The following ATRNL1 variants were observed in gnomAD, a reference collection of about 807,000 sequenced individuals.
The protein encoded by ATRNL1 is attractin-like protein 1.
In ATRNL1, 95 loss-of-function variants were observed where a neutral mutation model predicts 182.7. The observed-to-expected ratio is 0.52, with a 90% CI of 0.44 to 0.62. ATRNL1 has a LOEUF of 0.62. Among genes scored for constraint, ATRNL1 ranks in the 20% least tolerant of loss-of-function variants. The pLI is 0.00. For missense variants in ATRNL1, 1,471 were observed against 1,679.5 expected (o/e 0.88, Z 2.17); for synonymous variants, 576 against 568.3 (o/e 1.01, Z -0.19).
At chr10:115,422,524 A>T (rs553324297) in intron 20 of ATRNL1, among the ~76,000 whole-genome samples, 10 of 152,284 alleles carry the variant, frequency 6.6e-5, no homozygotes, top group East Asian at 5.8e-4. Context: ...GGAATTATTT[A>T]AAAAAATAAC....
At chr10:115,412,441 A>C (rs1383256473) in intron 20 of ATRNL1, among the ~76,000 whole-genome samples, 1 of 152,188 alleles carries the variant, frequency 6.6e-6, no homozygotes, top group Non-Finnish European at 1.5e-5. Flanking sequence ...GAACCTGGTT[A>C]TGCCATGCTC....
At chr10:115,418,325 A>C (rs1384278899) in intron 20 of ATRNL1, among the ~76,000 whole-genome samples, 3 of 152,190 alleles carry the variant, frequency 2.0e-5, no homozygotes. Context: ...AATGGAATAG[A>C]GAGCATCATC....
intron 1 of ATRNL1, among the ~76,000 whole-genome samples, chr10:115,115,020 A>G (rs1844419913): frequency 6.6e-6 from 1 of 152,194 alleles, no homozygotes; most frequent in Admixed American, 6.6e-5. Flanking sequence ...AAAAAGAGGT[A>G]TATATACATA....
At chr10:115,761,542 G>A (rs1948735241) in intron 27 of ATRNL1, among the ~76,000 whole-genome samples, 1 of 152,286 alleles carries the variant, frequency 6.6e-6, no homozygotes, top group African/African-American at 2.4e-5. Flanking sequence ...TGCCCTTGTT[G>A]ACAGCATTTA....
rs150345069 is a variant in ATRNL1, at chr10:115,869,964, C to CT, written c.4018+22001dup. 2.9e-3 allele frequency among the ~76,000 whole-genome samples: 209 copies of CT among 71,720 alleles called. 15 individuals carry two copies. Among genetic ancestry groups the CT allele is most frequent in the African/African-American group, 0.012 (193 of 15,760 alleles). The allele number at this position is 71,720 out of a possible 152,430, so 47.1% of individuals were successfully genotyped here. A position where few individuals can be genotyped will look rare whatever the true frequency, so the allele number is the denominator to read the frequency against. On this transcript the variant is annotated intron_variant, in intron 28 of 28. Coordinates refer to ENST00000355044, the MANE Select transcript of ATRNL1 (RefSeq NM_207303.4). ...TTGGGTATTTATGTTGTTCCCAGAC[C>CT]TTTTTTTTTTTTTTTTTTTTTTTTT...
At chr10:115,123,230 T>G (rs553499676) in intron 3 of ATRNL1, among the ~76,000 whole-genome samples, 2 of 152,220 alleles carry the variant, frequency 1.3e-5, no homozygotes, top group African/African-American at 4.8e-5. Flanking sequence ...ATATTGAATA[T>G]CCACTTGATG....
At chr10:115,912,472 C>T (rs959915067) in intron 28 of ATRNL1, among the ~76,000 whole-genome samples, 1 of 151,334 alleles carries the variant, frequency 6.6e-6, no homozygotes, top group East Asian at 1.9e-4. Context: ...TTTAAAAATA[C>T]TGCTGGTGGA....
chr10:115,581,494 G>A (rs1185114566), intron 26 of ATRNL1, among the ~76,000 whole-genome samples: 1 of 152,200 alleles, frequency 6.6e-6, no homozygotes, highest in South Asian at 2.1e-4. Context: ...TATTGGAAGT[G>A]CACCCATTCA....
intron 26 of ATRNL1, among the ~76,000 whole-genome samples, chr10:115,685,114 T>C (rs1172961008): frequency 1.3e-5 from 2 of 151,776 alleles, no homozygotes; most frequent in Admixed American, 1.3e-4. Context: ...GATAATAAAA[T>C]TTATTAAGCT....
intron 19 of ATRNL1, among the ~76,000 whole-genome samples, chr10:115,350,021 C>T (rs546284274): frequency 2.9e-4 from 44 of 152,176 alleles, no homozygotes; most frequent in Middle Eastern, 3.4e-3. Context: ...GAAATCTTTG[C>T]CCAGACCAAT....
At chr10:115,178,158 C>G (rs1438895393) in intron 8 of ATRNL1, among the ~76,000 whole-genome samples, 1 of 151,916 alleles carries the variant, frequency 6.6e-6, no homozygotes, top group Non-Finnish European at 1.5e-5. Flanking sequence ...GATCTGCCTT[C>G]TTCGACCTCC....
intron 27 of ATRNL1, among the ~76,000 whole-genome samples, chr10:115,846,223 T>C (rs1950924203): frequency 1.3e-5 from 2 of 152,060 alleles, no homozygotes; most frequent in African/African-American, 4.8e-5. Flanking sequence ...CACTTTCACC[T>C]TTATATTGAA....
intron 26 of ATRNL1, among the ~76,000 whole-genome samples, chr10:115,582,043 T>A (rs1855130633): frequency 6.6e-6 from 1 of 151,694 alleles, no homozygotes; most frequent in South Asian, 2.1e-4. Flanking sequence ...TGATTTCCAA[T>A]TTCATCCATA....
At chr10:115,265,030 G>A (rs1851548182) in intron 10 of ATRNL1, among the ~76,000 whole-genome samples, 163 bp from the exon 11 acceptor site, 1 of 151,424 alleles carries the variant, frequency 6.6e-6, no homozygotes, top group Non-Finnish European at 1.5e-5. Context: ...TGTTAGTTGA[G>A]TAAATACACT....
intron 28 of ATRNL1, among the ~76,000 whole-genome samples, chr10:115,881,393 T>G (rs1951824222): frequency 6.6e-6 from 1 of 152,222 alleles, no homozygotes; most frequent in African/African-American, 2.4e-5. Flanking sequence ...AGCGCCCCTA[T>G]GGATTGCTTC....
intron 27 of ATRNL1, among the ~76,000 whole-genome samples, chr10:115,792,517 G>A (rs550558163): frequency 1.3e-5 from 2 of 152,074 alleles, no homozygotes; most frequent in Non-Finnish European, 2.9e-5. Context: ...ACAGTATGCA[G>A]TAAGTGTAGC....
At chr10:115,912,416 T>TTTGTGTGTGTG (rs1565481394) in intron 28 of ATRNL1, among the ~76,000 whole-genome samples, 1 of 148,094 alleles carries the variant, frequency 6.8e-6, no homozygotes, top group African/African-American at 2.5e-5. Context: ...ATATATATAT[T>TTTGTGTGTGTG]TGTGTGTGTG....
At chr10:115,667,070 A>G (rs1299916154) in intron 26 of ATRNL1, among the ~76,000 whole-genome samples, 1 of 152,064 alleles carries the variant, frequency 6.6e-6, no homozygotes, top group African/African-American at 2.4e-5. Context: ...TGTACCAGGT[A>G]TATTCTGCCT....
At chr10:115,560,695 C>A (rs930791250) in intron 26 of ATRNL1, among the ~76,000 whole-genome samples, 21 of 148,196 alleles carry the variant, frequency 1.4e-4, no homozygotes, top group African/African-American at 5.1e-4. Flanking sequence ...AGGCAAAGGG[C>A]CCTAAACAGC....
Sources: allele counts gnomAD v4.1 joint callset (sites outside exome capture counted in the v4.1 genomes callset), GRCh38; gene constraint gnomAD v4.1.1; transcripts MANE v1.5; gene names NCBI Gene and HGNC (gene_info 2026-07-23, HGNC 2026-07-21).